The following KPNA6 variants were observed in gnomAD, a reference collection of about 807,000 sequenced individuals.
KPNA6 encodes karyopherin subunit alpha 6.
A neutral mutation model predicts 72.0 loss-of-function variants in KPNA6; 9 were observed. The observed-to-expected ratio is 0.13, with a 90% confidence interval of 0.08 to 0.22. The LOEUF (loss-of-function observed/expected upper bound fraction) is 0.22. Among genes scored for constraint, KPNA6 ranks in the 10% least tolerant of loss-of-function variants. The pLI, the probability that KPNA6 is intolerant of heterozygous loss-of-function variation, is 1.00. For missense variants in KPNA6, 374 were observed against 655.7 expected (o/e 0.57, Z 4.69); for synonymous variants, 219 against 242.1 (o/e 0.90, Z 0.89).
intron 10 of KPNA6, 67 bp from the exon 11 acceptor site, chr1:32,166,033 CAACAA>C: frequency 7.1e-7 from 1 of 1,409,472 alleles, no homozygotes. Context: ...ACAACAACAA[CAACAA>C]AAAAACATAA....
intron 6 of KPNA6, 102 bp from the exon 7 acceptor site, chr1:32,160,513 A>G: frequency 2.4e-6 from 2 of 846,532 alleles, no homozygotes; most frequent in South Asian, 1.4e-5. Context: ...GGGCCTTGAC[A>G]TCATTCTCAT....
intron 1 of KPNA6, among the ~76,000 whole-genome samples, chr1:32,118,852 G>A (rs950284323): frequency 1.3e-5 from 2 of 150,952 alleles, no homozygotes; most frequent in African/African-American, 4.9e-5. Context: ...ATTAAATGAG[G>A]TAATGCCTGT....
At chr1:32,115,284 C>T (rs914139927) in intron 1 of KPNA6, among the ~76,000 whole-genome samples, 6 of 151,884 alleles carry the variant, frequency 4.0e-5, no homozygotes, top group Non-Finnish European at 7.4e-5. Context: ...CACAGGCGCC[C>T]GCTACCACGC....
chr1:32,154,447 G>A (rs865867399), intron 1 of KPNA6, 141 bp from the exon 2 acceptor site: 1 of 745,528 alleles, frequency 1.3e-6, no homozygotes, highest in African/African-American at 1.8e-5. Context: ...GGGTAGAGAT[G>A]TCAGGTGCTA....
intron 1 of KPNA6, among the ~76,000 whole-genome samples, chr1:32,129,140 T>C (rs1222803958): frequency 1.3e-4 from 19 of 146,278 alleles, no homozygotes; most frequent in South Asian, 4.7e-4. Flanking sequence ...CTCCCTCCCT[T>C]CCTTCCTTCC....
chr1:32,138,750 T>G (rs996285273), intron 1 of KPNA6, among the ~76,000 whole-genome samples: 1 of 152,072 alleles, frequency 6.6e-6, no homozygotes, highest in African/African-American at 2.4e-5. Context: ...ATGGTGTTAC[T>G]AGAATCATGA....
At chr1:32,118,667 C>T (rs965280509) in intron 1 of KPNA6, among the ~76,000 whole-genome samples, 1 of 151,884 alleles carries the variant, frequency 6.6e-6, no homozygotes, top group African/African-American at 2.4e-5. Flanking sequence ...TGGGATGTGC[C>T]TGTACTCCCA....
chr1:32,145,708 CCTT>C (rs1362106784), intron 1 of KPNA6, among the ~76,000 whole-genome samples: 1 of 152,064 alleles, frequency 6.6e-6, no homozygotes, highest in African/African-American at 2.4e-5. Context: ...GACATAATAT[CCTT>C]CTTCAAAATC....
rs1642483015 is a variant in KPNA6, at chr1:32,173,902, G to A, written c.*3008G>A. ...CTCTGGTTGGGGGTATCTGGATATG[G>A]ATTAGGAGGGACAAGGAGCCTTTTT... On this transcript the variant is annotated 3_prime_UTR_variant, in exon 14 of 14. Coordinates refer to ENST00000373625, the MANE Select transcript of KPNA6 (RefSeq NM_012316.5). The A allele has an allele frequency of 6.6e-6, 1 of 152,410 alleles. No individual in the cohort carries two copies. The highest frequency in any genetic ancestry group is 2.4e-5 in the African/African-American group (1 of 41,564). The allele number at this position is 152,410 out of a possible 1,614,324, so 9.4% of individuals were successfully genotyped here.
At chr1:32,128,854 C>T (rs773042813) in intron 1 of KPNA6, among the ~76,000 whole-genome samples, 3 of 152,138 alleles carry the variant, frequency 2.0e-5, no homozygotes, top group East Asian at 1.9e-4. Flanking sequence ...CCCACTTTAC[C>T]AGCATAGCAT....
At position 32,160,146 on chromosome 1, in the gene KPNA6, A is replaced by G. The variant is rs184724861; in HGVS notation, c.559-469A>G. Among the ~76,000 whole-genome samples, 4 of 152,256 alleles carry G rather than the reference A, an allele frequency of 2.6e-5. No homozygotes were observed. In the East Asian group the frequency reaches 7.7e-4, roughly 29 times the overall value. ...ACTCCATCTCTACTAAAAATACTAA[A>G]AAGTTAGCTGGGCATGGTGGAGCTT... On this transcript the variant is annotated intron_variant, in intron 6 of 13. Transcript: ENST00000373625.
At chr1:32,135,622 C>T (rs1641720605) in intron 1 of KPNA6, among the ~76,000 whole-genome samples, 1 of 150,008 alleles carries the variant, frequency 6.7e-6, no homozygotes, top group Non-Finnish European at 1.5e-5. Context: ...TGTGAGCCAC[C>T]ATGCTTGGCC....
chr1:32,166,624 C>CAAAA (rs561653103), intron 11 of KPNA6, among the ~76,000 whole-genome samples: 1 of 39,044 alleles, frequency 2.6e-5, no homozygotes. Flanking sequence ...GACTCCGTCT[C>CAAAA]AAAAAAAAAA....
chr1:32,159,754 G>T lies in KPNA6; in HGVS notation c.558+223G>T, dbSNP rs544243375. ...CTCTGCATTAACTCTAGGTGTTAGA[G>T]TCAGAATTGAATTAAATCGTTGGAC... On this transcript the variant is annotated intron_variant, in intron 6 of 13. Transcript: ENST00000373625. 2.6e-5 allele frequency among the ~76,000 whole-genome samples: 4 copies of T among 152,290 alleles called. No individual in the cohort carries two copies. In the East Asian group the frequency reaches 5.8e-4, roughly 22 times the overall value.
intron 1 of KPNA6, among the ~76,000 whole-genome samples, chr1:32,116,465 CCTGA>C (rs1439628732): frequency 6.6e-6 from 1 of 152,094 alleles, no homozygotes; most frequent in Non-Finnish European, 1.5e-5. Flanking sequence ...TCAAGATCAG[CCTGA>C]CTAACATGGA....
intron 7 of KPNA6, 104 bp from the exon 8 acceptor site, chr1:32,161,843 T>C: frequency 1.2e-6 from 1 of 804,224 alleles, no homozygotes; most frequent in South Asian, 1.6e-5. Flanking sequence ...AGAAACAGGC[T>C]GCTAGAGTCT....
At chr1:32,168,507 T>C (rs1009401261) in intron 12 of KPNA6, among the ~76,000 whole-genome samples, 13 of 152,250 alleles carry the variant, frequency 8.5e-5, no homozygotes, top group Admixed American at 5.2e-4. Context: ...TATTTTAGTT[T>C]ACATTATCTG....
intron 1 of KPNA6, among the ~76,000 whole-genome samples, chr1:32,117,686 A>G (rs768291827): frequency 1.7e-4 from 26 of 152,110 alleles, no homozygotes; most frequent in South Asian, 4.1e-4. Flanking sequence ...GTAAAATGAG[A>G]TATGCCTGTA....
chr1:32,122,262 T>C (rs1435817111), intron 1 of KPNA6, among the ~76,000 whole-genome samples: 3 of 150,718 alleles, frequency 2.0e-5, no homozygotes, highest in Admixed American at 1.3e-4. Context: ...GGACAAGAGC[T>C]AGATTTTGTC....
Sources: allele counts gnomAD v4.1 joint callset (sites outside exome capture counted in the v4.1 genomes callset), GRCh38; gene constraint gnomAD v4.1.1; transcripts MANE v1.5; gene names NCBI Gene and HGNC (gene_info 2026-07-23, HGNC 2026-07-21).